Variants in PDGFC observed in about 807,000 individuals in gnomAD.
PDGFC encodes platelet-derived growth factor C.
PDGFC carries 12 observed loss-of-function variants against 35.5 expected under a neutral mutation model. The ratio of observed to expected loss-of-function variants is 0.34; its 90% CI spans 0.22 to 0.55. The LOEUF (loss-of-function observed/expected upper bound fraction) is 0.55. Among genes scored for constraint, PDGFC ranks in the 20% least tolerant of loss-of-function variants. The pLI is 0.91. For synonymous variants in PDGFC, 159 were observed against 148.8 expected, an observed-to-expected ratio of 1.07 and a Z score of -0.50; for missense variants, 322 against 412.4, an observed-to-expected ratio of 0.78 and a Z score of 1.90.
chr4:156,947,540 G>C (rs1456029204), intron 1 of PDGFC, among the ~76,000 whole-genome samples: 5 of 151,926 alleles, frequency 3.3e-5, no homozygotes, highest in Admixed American at 3.3e-4. Flanking sequence ...GTGTGGTTTT[G>C]TTTCCTTGTT....
At chr4:156,912,438 G>A (rs916374297) in intron 1 of PDGFC, among the ~76,000 whole-genome samples, 9 of 152,038 alleles carry the variant, frequency 5.9e-5, no homozygotes, top group African/African-American at 1.2e-4. Context: ...CAGGGTTCTC[G>A]AGGCACATGT....
intron 1 of PDGFC, among the ~76,000 whole-genome samples, chr4:156,954,011 AAT>A (rs1732146501): frequency 6.6e-6 from 1 of 152,012 alleles, no homozygotes; most frequent in African/African-American, 2.4e-5. Context: ...CATGAAAATA[AAT>A]AGTCTGGTCT....
At chr4:156,796,491 A>ATTTT (rs35891804) in intron 3 of PDGFC, among the ~76,000 whole-genome samples, 110 of 101,596 alleles carry the variant, frequency 1.1e-3, no homozygotes, top group Admixed American at 1.6e-3. Context: ...ACCACTTTGT[A>ATTTT]TTTTTTTTTT....
chr4:156,946,978 TAAG>T (rs1464639478), intron 1 of PDGFC, among the ~76,000 whole-genome samples: 1 of 152,014 alleles, frequency 6.6e-6, no homozygotes. Context: ...GTTGCAGTGT[TAAG>T]AAGGCTGGAA....
In PDGFC at chr4:156,761,820, G is replaced by C. The variant is rs1730383482; in HGVS notation, c.*1270C>G. On this transcript the variant is annotated 3_prime_UTR_variant, in exon 6 of 6. Coordinates refer to ENST00000502773, the MANE Select transcript of PDGFC (RefSeq NM_016205.3). Reference sequence around the variant, plus strand: ...AAAATATCCATGTATTTATACAAGTGTATGGAACAGAGTTTAAGATAATAA... The same window carrying C: ...AAAATATCCATGTATTTATACAAGTCTATGGAACAGAGTTTAAGATAATAA... 6.6e-6 allele frequency: 1 copy of C among 152,602 alleles called. No individual in the cohort carries two copies. Among genetic ancestry groups the C allele is most frequent in the Admixed American group, 6.5e-5 (1 of 15,274 alleles). 9.5% of individuals were successfully genotyped at this position (152,602 alleles called of 1,614,324 possible).
At chr4:156,764,248 T>C (rs2110784421) in intron 5 of PDGFC, among the ~76,000 whole-genome samples, 1 of 152,368 alleles carries the variant, frequency 6.6e-6, no homozygotes, top group East Asian at 1.9e-4. Flanking sequence ...GACTGTTCTA[T>C]TTAAAGACTT....
intron 1 of PDGFC, among the ~76,000 whole-genome samples, chr4:156,895,987 T>C (rs1385415875): frequency 1.3e-5 from 2 of 152,014 alleles, no homozygotes; most frequent in Admixed American, 1.3e-4. Flanking sequence ...TAGTTAAATC[T>C]CCAAAAAAAT....
intron 2 of PDGFC, among the ~76,000 whole-genome samples, chr4:156,834,499 C>T (rs1255897667): frequency 6.6e-6 from 1 of 152,054 alleles, no homozygotes; most frequent in African/African-American, 2.4e-5. Flanking sequence ...CATGAACTAG[C>T]TTGCTTATTC....
chr4:156,891,545 CTTTTCAG>C (rs139805778), intron 1 of PDGFC, among the ~76,000 whole-genome samples: 8,078 of 152,094 alleles, frequency 0.053, 300 homozygotes, highest in Middle Eastern at 0.092. Context: ...CATTCAAATC[CTTTTCAG>C]TGAGGTTTGG....
intron 2 of PDGFC, among the ~76,000 whole-genome samples, chr4:156,815,432 A>G (rs1159102109): frequency 6.6e-6 from 1 of 152,034 alleles, no homozygotes; most frequent in Non-Finnish European, 1.5e-5. Flanking sequence ...AGGATAGAAA[A>G]AGAATAATGC....
chr4:156,863,248 C>T (rs1186562944), intron 1 of PDGFC, among the ~76,000 whole-genome samples: 2 of 152,066 alleles, frequency 1.3e-5, no homozygotes, highest in African/African-American at 4.8e-5. Flanking sequence ...TGAATATCCC[C>T]AGAAAAACTG....
chr4:156,963,951 G>C (rs976799276), intron 1 of PDGFC, among the ~76,000 whole-genome samples: 13 of 147,836 alleles, frequency 8.8e-5, no homozygotes, highest in African/African-American at 3.2e-4. Context: ...CAAGTTTATA[G>C]CTATGAATTT....
intron 3 of PDGFC, among the ~76,000 whole-genome samples, chr4:156,798,460 C>T (rs1283384083): frequency 6.6e-6 from 1 of 152,116 alleles, no homozygotes; most frequent in Non-Finnish European, 1.5e-5. Context: ...AAGTGAACCT[C>T]TTTTACGTAA....
In PDGFC at chr4:156,853,984, TA is replaced by T. The variant is rs530815188; in HGVS notation, c.119-3569del. Among the ~76,000 whole-genome samples, 139 of 152,062 alleles carry T rather than the reference TA, an allele frequency of 9.1e-4. 1 individual carries two copies. Among genetic ancestry groups the T allele is most frequent in the Non-Finnish European group, 1.9e-3 (127 of 67,976 alleles). On this transcript the variant is annotated intron_variant, in intron 1 of 5. Coordinates refer to ENST00000502773, the MANE Select transcript of PDGFC (RefSeq NM_016205.3). ...CCTCAAAAATAAAAAAGCAAAACAT[TA>T]AAAAGAAAGTAATAATCATAAACTC...
intron 1 of PDGFC, among the ~76,000 whole-genome samples, chr4:156,970,376 T>C (rs1011504788): frequency 6.6e-6 from 1 of 152,206 alleles, no homozygotes; most frequent in Admixed American, 6.5e-5. Context: ...TTAATGCGGC[T>C]GATATATTTC....
At chr4:156,851,455 T>G (rs948674773) in intron 1 of PDGFC, among the ~76,000 whole-genome samples, 2 of 152,154 alleles carry the variant, frequency 1.3e-5, no homozygotes, top group African/African-American at 4.8e-5. Context: ...CTCTCCTCCT[T>G]TTTATTAAAA....
intron 1 of PDGFC, among the ~76,000 whole-genome samples, chr4:156,942,771 A>T (rs926055610): frequency 6.7e-6 from 1 of 150,136 alleles, no homozygotes; most frequent in South Asian, 2.1e-4. Context: ...GTATAATTAC[A>T]ATATATAATT....
intron 1 of PDGFC, among the ~76,000 whole-genome samples, chr4:156,928,695 C>T (rs1198030273): frequency 1.9e-4 from 29 of 152,110 alleles, no homozygotes; most frequent in Admixed American, 1.9e-3. Flanking sequence ...TTTCTTTTTA[C>T]CATTTTTAAG....
At chr4:156,852,003 G>GCAA (rs1729469088) in intron 1 of PDGFC, among the ~76,000 whole-genome samples, 1 of 144,946 alleles carries the variant, frequency 6.9e-6, no homozygotes, top group African/African-American at 2.5e-5. Context: ...AACAACAACA[G>GCAA]CAACAACAAC....
Sources: gnomAD v4.1 joint callset for allele counts (sites outside exome capture counted in the v4.1 genomes callset) on GRCh38, gnomAD v4.1.1 for gene constraint, MANE v1.5 for transcripts, NCBI Gene and HGNC (gene_info 2026-07-23, HGNC 2026-07-21) for gene names.